Variants in HMGN5 observed in about 807,000 individuals in gnomAD.
The protein encoded by HMGN5 is high mobility group nucleosome-binding domain-containing protein 5.
A neutral mutation model predicts 9.5 loss-of-function variants in HMGN5; 4 were observed. The ratio of observed to expected loss-of-function variants is 0.42; its 90% confidence interval spans 0.21 to 0.96. The LOEUF (loss-of-function observed/expected upper bound fraction) is 0.96. Among genes scored for constraint, HMGN5 ranks in the 40% least tolerant of loss-of-function variants. HMGN5 has a pLI of 0.30. For synonymous variants in HMGN5, 55 were observed against 57.1 expected, an observed-to-expected ratio of 0.96 and a Z score of 0.16; for missense variants, 192 against 187.5, an observed-to-expected ratio of 1.02 and a Z score of -0.14.
chrX:81,117,714 C>T (rs1408687467), intron 5 of HMGN5, among the ~76,000 whole-genome samples: 1 of 110,385 alleles, frequency 9.1e-6, no homozygotes, highest in Admixed American at 9.7e-5. Context: ...CTTCAATTTC[C>T]CTAAGTTTAG....
chrX:81,151,386 C>G (rs985080606), intron 1 of HMGN5, among the ~76,000 whole-genome samples: 1 of 111,470 alleles, frequency 9.0e-6, no homozygotes, highest in East Asian at 2.8e-4. Context: ...TAGCATGATG[C>G]CTCCAGCTTT....
intron 1 of HMGN5, among the ~76,000 whole-genome samples, chrX:81,194,180 A>C (rs893787151): frequency 1.2e-4 from 13 of 111,896 alleles, no homozygotes; most frequent in African/African-American, 3.9e-4. Flanking sequence ...TCCAGGTGGA[A>C]TGTAGATCTA....
chrX:81,133,760 C>T lies in HMGN5; in HGVS notation c.-123-12088G>A, dbSNP rs192048226. Among the ~76,000 whole-genome samples the T allele has an allele frequency of 1.4e-3, 156 of 110,829 alleles. 1 individual carries two copies. Among genetic ancestry groups the T allele is most frequent in the African/African-American group, 5.0e-3 (153 of 30,579 alleles). On this transcript the variant is annotated intron_variant, in intron 1 of 6. Transcript: ENST00000358130. ...GATCAGGAAAAATAACTAATGGGTA[C>T]TAGGCTTAATACCCGTGTGATAAAA...
At chrX:81,164,234 T>C (rs2075405219) in intron 1 of HMGN5, among the ~76,000 whole-genome samples, 1 of 112,163 alleles carries the variant, frequency 8.9e-6, no homozygotes, top group Non-Finnish European at 1.9e-5. Flanking sequence ...GTATTTATTA[T>C]GTGGTGTGAC....
intron 1 of HMGN5, among the ~76,000 whole-genome samples, chrX:81,140,612 AC>A (rs1272082122): frequency 1.9e-5 from 2 of 106,267 alleles, no homozygotes; most frequent in African/African-American, 3.4e-5. Context: ...AGCATTCATT[AC>A]CCACTAACTG....
intron 1 of HMGN5, among the ~76,000 whole-genome samples, chrX:81,151,788 A>G (rs2075363330): frequency 9.1e-6 from 1 of 110,163 alleles, no homozygotes; most frequent in Non-Finnish European, 1.9e-5. Context: ...TGATTTTTGT[A>G]CATTGATTTT....
At chrX:81,191,740 T>C (rs1000515988) in intron 1 of HMGN5, among the ~76,000 whole-genome samples, 3 of 112,159 alleles carry the variant, frequency 2.7e-5, no homozygotes, top group Non-Finnish European at 3.8e-5. Flanking sequence ...AGAAATATTT[T>C]TCTGTTTCAG....
chrX:81,131,573 T>C (rs955475746), intron 1 of HMGN5, among the ~76,000 whole-genome samples: 2 of 111,705 alleles, frequency 1.8e-5, no homozygotes, highest in East Asian at 2.8e-4. Context: ...TTGCTTAAAA[T>C]GTTGACAAGA....
At chrX:81,139,973 T>G (rs2075323622) in intron 1 of HMGN5, among the ~76,000 whole-genome samples, 1 of 112,012 alleles carries the variant, frequency 8.9e-6, no homozygotes, top group South Asian at 3.7e-4. Flanking sequence ...CCAGAGACAG[T>G]GGACTGGGTA....
intron 1 of HMGN5, among the ~76,000 whole-genome samples, chrX:81,192,514 GTTA>G (rs2075496779): frequency 9.0e-6 from 1 of 111,460 alleles, no homozygotes; most frequent in African/African-American, 3.2e-5. Flanking sequence ...CAAGACATTT[GTTA>G]TTATTGTTTT....
chrX:81,148,565 G>A (rs774731981), intron 1 of HMGN5, among the ~76,000 whole-genome samples: 4 of 111,587 alleles, frequency 3.6e-5, no homozygotes, highest in Admixed American at 2.9e-4. Flanking sequence ...CAGGACATAG[G>A]CATGGGCAAA....
chrX:81,183,574 G>C (rs979790099), intron 1 of HMGN5, among the ~76,000 whole-genome samples: 2 of 112,652 alleles, frequency 1.8e-5, no homozygotes, highest in African/African-American at 3.2e-5. Context: ...CAACAGTTGA[G>C]GCTTGGGAGC....
intron 1 of HMGN5, among the ~76,000 whole-genome samples, chrX:81,176,487 C>T (rs753701307): frequency 3.6e-5 from 4 of 110,780 alleles, no homozygotes; most frequent in Admixed American, 1.9e-4. Flanking sequence ...CAAACTTCTC[C>T]GAACTAAAGG....
At position 81,127,020 on chromosome X, in the gene HMGN5, G is replaced by A. The variant is rs750347622; in HGVS notation, c.-123-5348C>T. On this transcript the variant is annotated intron_variant, in intron 1 of 6. Coordinates refer to ENST00000358130, the MANE Select transcript of HMGN5 (RefSeq NM_030763.3). ...TTTAAAATCTTAATATGATAGGAAC[G>A]TTTAACCTTCATCCTCAACTTATAG... 5.4e-5 allele frequency among the ~76,000 whole-genome samples: 6 copies of A among 111,384 alleles called. No homozygotes were observed. In the South Asian group the frequency reaches 1.1e-3, roughly 21 times the overall value.
chrX:81,177,898 C>A (rs1285389598), intron 1 of HMGN5, among the ~76,000 whole-genome samples: 3 of 111,895 alleles, frequency 2.7e-5, no homozygotes, highest in Non-Finnish European at 3.8e-5. Context: ...TTAGAACTCA[C>A]GATTAAGAAA....
At chrX:81,139,273 C>T (rs2075320901) in intron 1 of HMGN5, among the ~76,000 whole-genome samples, 1 of 112,316 alleles carries the variant, frequency 8.9e-6, no homozygotes, top group South Asian at 3.6e-4. Flanking sequence ...AGAATAGGTG[C>T]ATAGGCAACT....
intron 1 of HMGN5, among the ~76,000 whole-genome samples, chrX:81,121,954 G>T (rs1712552842): frequency 9.0e-6 from 1 of 111,335 alleles, no homozygotes; most frequent in African/African-American, 3.3e-5. Flanking sequence ...GACTTGATCA[G>T]TTTTTTTTTC....
intron 1 of HMGN5, among the ~76,000 whole-genome samples, chrX:81,156,489 G>A (rs1308944371): frequency 8.9e-6 from 1 of 112,191 alleles, no homozygotes; most frequent in African/African-American, 3.2e-5. Context: ...ACTTGAAGTC[G>A]TTGGTTAAAT....
At chrX:81,134,900 G>C (rs774922573) in intron 1 of HMGN5, among the ~76,000 whole-genome samples, 1 of 111,391 alleles carries the variant, frequency 9.0e-6, no homozygotes, top group Non-Finnish European at 1.9e-5. Context: ...AATGACACTG[G>C]AAGAGTGAAA....
Sources: gnomAD v4.1 joint callset for allele counts (sites outside exome capture counted in the v4.1 genomes callset) on GRCh38, gnomAD v4.1.1 for gene constraint, MANE v1.5 for transcripts, NCBI Gene and HGNC (gene_info 2026-07-23, HGNC 2026-07-21) for gene names.